Variants in ITGB1 observed in about 807,000 individuals in gnomAD.
ITGB1 encodes integrin beta-1.
A neutral mutation model predicts 86.5 loss-of-function variants in ITGB1; 24 were observed. The ratio of observed to expected loss-of-function variants is 0.28; its 90% CI spans 0.20 to 0.39. The LOEUF (loss-of-function observed/expected upper bound fraction) is 0.39. Among genes scored for constraint, ITGB1 ranks in the 10% least tolerant of loss-of-function variants. The probability of loss-of-function intolerance (pLI) is 1.00; values close to 1 mark genes in which losing one functional copy is unlikely to be tolerated. For synonymous variants in ITGB1, 323 were observed against 316.8 expected (o/e 1.02, Z -0.21); for missense variants, 556 against 946.9 (o/e 0.59, Z 5.42).
intron 1 of ITGB1, among the ~76,000 whole-genome samples, chr10:32,943,934 G>A (rs1482854433): frequency 6.6e-6 from 1 of 152,178 alleles, no homozygotes; most frequent in Non-Finnish European, 1.5e-5. Flanking sequence ...AAGTCAACGG[G>A]GAAATGGATC....
intron 1 of ITGB1, among the ~76,000 whole-genome samples, chr10:32,947,466 T>TGTGTGC (rs1555222174): frequency 6.6e-6 from 1 of 151,580 alleles, no homozygotes; most frequent in Non-Finnish European, 1.5e-5. Flanking sequence ...TGTGTGTGTG[T>TGTGTGC]GTACGTACAT....
intron 11 of ITGB1, among the ~76,000 whole-genome samples, chr10:32,913,922 T>C (rs974142436): frequency 3.3e-5 from 5 of 151,924 alleles, no homozygotes; most frequent in Non-Finnish European, 7.3e-5. Flanking sequence ...GAGAGAAAGG[T>C]TGGGTTACCC....
chr10:32,912,189 C>A, intron 11 of ITGB1, 65 bp from the exon 12 acceptor site: 1 of 1,358,806 alleles, frequency 7.4e-7, no homozygotes, highest in Non-Finnish European at 1.0e-6. Flanking sequence ...TCCAAGATGG[C>A]CAAACAGGAA....
At chr10:32,944,476 A>G in intron 1 of ITGB1, 1 of 367,658 alleles carries the variant, frequency 2.7e-6, no homozygotes, top group Non-Finnish European at 5.3e-6. Context: ...GTCACCAAAC[A>G]CTGTGAAGCA....
Position 32,932,520 on chromosome 10 carries a change from T to C in ITGB1, c.148A>G (p.Asn50Asp). The C allele has an allele frequency of 6.3e-7, 1 of 1,599,598 alleles. No homozygotes were observed. Among genetic ancestry groups the C allele is most frequent in the South Asian group, 1.1e-5 (1 of 90,754 alleles). Reference protein sequence around the residue: ...QAGPNCGWCTNSTFLQEGMPT... With the variant: ...QAGPNCGWCTDSTFLQEGMPT... ...ACTTGAGCAACCTTACTTACTGAAT[T>C]TGTGCACCACCCACAATTTGGCCCT... Residue 50 changes from asparagine (N) to aspartate (D), a missense_variant, in exon 3 of 16, where the codon AAT becomes GAT. By Grantham distance (23) the Asn-to-Asp change is conservative. Transcript: ENST00000302278.
At chr10:32,923,408 T>C (rs1258740549) in intron 7 of ITGB1, among the ~76,000 whole-genome samples, 177 bp downstream of exon 7, 1 of 152,158 alleles carries the variant, frequency 6.6e-6, no homozygotes, top group East Asian at 1.9e-4. Flanking sequence ...AATACAAAGC[T>C]GCATCTTCAC....
At chr10:32,957,179 T>C (rs2095054061) in intron 1 of ITGB1, among the ~76,000 whole-genome samples, 1 of 152,226 alleles carries the variant, frequency 6.6e-6, no homozygotes, top group South Asian at 2.1e-4. Flanking sequence ...ATATTACTGT[T>C]CCTATTTCAC....
At chr10:32,931,164 A>G (rs1337513082) in intron 3 of ITGB1, among the ~76,000 whole-genome samples, 2 of 152,156 alleles carry the variant, frequency 1.3e-5, no homozygotes, top group African/African-American at 4.8e-5. Flanking sequence ...AAGCTGCACT[A>G]TTTATTAAAC....
At chr10:32,907,745 CT>C (rs1381658061) in intron 15 of ITGB1, among the ~76,000 whole-genome samples, 1 of 152,034 alleles carries the variant, frequency 6.6e-6, no homozygotes, top group East Asian at 1.9e-4. Context: ...AATCTTTTGG[CT>C]TCCCTGGGCC....
At chr10:32,953,835 T>G (rs555080200) in intron 1 of ITGB1, 1 of 152,264 alleles carries the variant, frequency 6.6e-6, no homozygotes, top group East Asian at 1.9e-4. Context: ...CACAAAGAAA[T>G]GTGACCAATG....
chr10:32,921,854 T>C (rs903228392), intron 9 of ITGB1, among the ~76,000 whole-genome samples: 3 of 151,784 alleles, frequency 2.0e-5, no homozygotes, highest in Admixed American at 1.3e-4. Flanking sequence ...AAGAGAAGAA[T>C]TGGCAAAAAA....
chr10:32,950,319 T>C (rs1411711866), intron 1 of ITGB1, among the ~76,000 whole-genome samples: 1 of 152,062 alleles, frequency 6.6e-6, no homozygotes, highest in African/African-American at 2.4e-5. Flanking sequence ...GAGAAAAACA[T>C]GAATGGAAGA....
intron 1 of ITGB1, among the ~76,000 whole-genome samples, chr10:32,936,455 T>A (rs1750828741): frequency 6.6e-6 from 1 of 151,626 alleles, no homozygotes; most frequent in Non-Finnish European, 1.5e-5. Flanking sequence ...GAAAAGAAAA[T>A]CAACTTCTAT....
At chr10:32,932,103 T>C (rs2137231184) in intron 3 of ITGB1, among the ~76,000 whole-genome samples, 1 of 152,236 alleles carries the variant, frequency 6.6e-6, no homozygotes, top group South Asian at 2.1e-4. Context: ...AGGATTTTTT[T>C]GAAGGTTCTC....
chr10:32,926,154 G>A, intron 5 of ITGB1, 45 bp from the exon 6 acceptor site: 3 of 1,299,274 alleles, frequency 2.3e-6, no homozygotes, highest in Non-Finnish European at 3.3e-6. Flanking sequence ...TGGATGGATA[G>A]ATGGAAAGAC....
chr10:32,958,076 G>C (rs1301597103), intron 1 of ITGB1, 69 bp downstream of exon 1: 1 of 149,530 alleles, frequency 6.7e-6, no homozygotes, highest in South Asian at 2.1e-4. Flanking sequence ...GCGGCTTTAA[G>C]TGCTGCCGCG....
At chr10:32,926,537 T>C (rs2094965298) in intron 5 of ITGB1, among the ~76,000 whole-genome samples, 2 of 152,062 alleles carry the variant, frequency 1.3e-5, no homozygotes, top group Admixed American at 1.3e-4. Flanking sequence ...GTGTGGCATC[T>C]CTCCCCAACT....
chr10:32,922,540 G>T, intron 8 of ITGB1, 100 bp downstream of exon 8: 1 of 814,992 alleles, frequency 1.2e-6, no homozygotes, highest in Non-Finnish European at 2.0e-6. Flanking sequence ...AATTCGGTTT[G>T]CCTATCTGGT....
chr10:32,940,028 T>C (rs2095014554), intron 1 of ITGB1, among the ~76,000 whole-genome samples: 1 of 152,150 alleles, frequency 6.6e-6, no homozygotes, highest in South Asian at 2.1e-4. Flanking sequence ...TGTTTTACTT[T>C]TTCTGTAAGG....
Sources: gnomAD v4.1 joint callset for allele counts (sites outside exome capture counted in the v4.1 genomes callset) on GRCh38, gnomAD v4.1.1 for gene constraint, MANE v1.5 for transcripts, NCBI Gene and HGNC (gene_info 2026-07-23, HGNC 2026-07-21) for gene names.